ITPR2: variants seen among roughly 807,000 people sequenced by gnomAD.
ITPR2 encodes the protein inositol 1,4,5-trisphosphate-gated calcium channel ITPR2.
ITPR2 carries 207 observed loss-of-function variants against 317.1 expected under a neutral mutation model. The observed-to-expected ratio is 0.65, with a 90% CI of 0.58 to 0.73. ITPR2 has a LOEUF of 0.73. ITPR2 is among the 30% of genes least tolerant of loss of function. The pLI, the probability that ITPR2 is intolerant of heterozygous loss-of-function variation, is 0.00. For synonymous variants in ITPR2, 1,156 were observed against 1,149.1 expected (o/e 1.01, Z -0.12); for missense variants, 2,613 against 3,284.0 (o/e 0.80, Z 4.99).
Position 26,523,817 on chromosome 12 carries a change from C to T in ITPR2, c.5073+26430G>A, listed in dbSNP as rs569519580. ...CGTTCAAAGCAATCTAATTGAATTT[C>T]AGGGCCAAGAGCATTGCACAACACG... On this transcript the variant is annotated intron_variant, in intron 37 of 56. Coordinates refer to ENST00000381340, the MANE Select transcript of ITPR2 (RefSeq NM_002223.4). Among the ~76,000 whole-genome samples, 46 of 152,312 alleles carry T rather than the reference C, an allele frequency of 3.0e-4. No individual in the cohort carries two copies. In the South Asian group the frequency reaches 9.3e-3, roughly 31 times the overall value.
At chr12:26,683,801 C>T (rs1486376560) in intron 11 of ITPR2, among the ~76,000 whole-genome samples, 5 of 152,158 alleles carry the variant, frequency 3.3e-5, no homozygotes, top group East Asian at 1.9e-4. Context: ...CAAGTATTAC[C>T]GTTTTTAGTA....
Position 26,774,010 on chromosome 12 carries a change from T to TTTTTTC in ITPR2, c.163+16146_163+16147insGAAAAA, listed in dbSNP as rs150425593. On this transcript the variant is annotated intron_variant, in intron 2 of 56. Coordinates refer to ENST00000381340, the MANE Select transcript of ITPR2 (RefSeq NM_002223.4). The stretch of plus-strand genomic sequence containing the variant: ...TTTTTTTTTTTTTTTTTTTTTTTTT[T>TTTTTTC]AGTATAAAGCATGTAACTCCTGACT... Among the ~76,000 whole-genome samples, 5 of 112,046 alleles carry TTTTTTC rather than the reference T, an allele frequency of 4.5e-5. 1 individual carries two copies. The highest frequency in any genetic ancestry group is 7.5e-5 in the Non-Finnish European group (4 of 52,996). The allele number at this position is 112,046 out of a possible 152,430, so 73.5% of individuals were successfully genotyped here.
At chr12:26,487,587 C>A (rs142627480) in intron 39 of ITPR2, among the ~76,000 whole-genome samples, 1 of 152,210 alleles carries the variant, frequency 6.6e-6, no homozygotes, top group African/African-American at 2.4e-5. Flanking sequence ...TAAAGTCATG[C>A]ATTGATTCAA....
chr12:26,616,232 G>GCAA (rs1946371269), intron 26 of ITPR2, among the ~76,000 whole-genome samples: 2 of 151,980 alleles, frequency 1.3e-5, no homozygotes, highest in African/African-American at 2.4e-5. Flanking sequence ...CCGCCTCCCG[G>GCAA]GTTCACGCCA....
intron 9 of ITPR2, among the ~76,000 whole-genome samples, chr12:26,708,572 G>A (rs61922699): frequency 0.16 from 24,517 of 152,084 alleles, 2,746 homozygotes; most frequent in Non-Finnish European, 0.25. Flanking sequence ...ATGAAGCTAG[G>A]GAGTAGAAGG....
intron 55 of ITPR2, among the ~76,000 whole-genome samples, chr12:26,366,363 A>G (rs1939010144): frequency 6.6e-6 from 1 of 152,162 alleles, no homozygotes; most frequent in South Asian, 2.1e-4. Context: ...TGATATTTTG[A>G]TGTGTATAGT....
At chr12:26,495,341 G>T in intron 37 of ITPR2, 81 bp from the exon 38 acceptor site, 2 of 741,734 alleles carry the variant, frequency 2.7e-6, no homozygotes, top group Non-Finnish European at 4.4e-6. Flanking sequence ...TGCTTTAAAT[G>T]CATTTTGTGA....
chr12:26,629,585 CA>C (rs5797182), intron 22 of ITPR2, among the ~76,000 whole-genome samples: 18,010 of 144,048 alleles, frequency 0.13, 1,740 homozygotes, highest in East Asian at 0.51. Flanking sequence ...GACCCTGTCT[CA>C]AAAAAAAAAA....
At chr12:26,735,104 G>A (rs767388952) in intron 2 of ITPR2, among the ~76,000 whole-genome samples, 2 of 146,032 alleles carry the variant, frequency 1.4e-5, no homozygotes, top group Non-Finnish European at 3.0e-5. Flanking sequence ...GGGTTCAAAC[G>A]ATTCTCCTGT....
intron 2 of ITPR2, among the ~76,000 whole-genome samples, chr12:26,738,800 ATT>A (rs1341893574): frequency 6.6e-6 from 1 of 152,126 alleles, no homozygotes; most frequent in African/African-American, 2.4e-5. Context: ...TTATAAAATT[ATT>A]CTTTAAAAAT....
intron 9 of ITPR2, among the ~76,000 whole-genome samples, chr12:26,696,030 T>C (rs955074329): frequency 6.6e-6 from 1 of 152,082 alleles, no homozygotes; most frequent in Non-Finnish European, 1.5e-5. Flanking sequence ...ACATTGATGA[T>C]TTGAGATCAT....
intron 1 of ITPR2, among the ~76,000 whole-genome samples, chr12:26,820,297 C>CA (rs1470490044): frequency 6.6e-6 from 1 of 151,964 alleles, no homozygotes; most frequent in African/African-American, 2.4e-5. Context: ...GACTTTTTTC[C>CA]AGAGAGGAAC....
intron 34 of ITPR2, among the ~76,000 whole-genome samples, chr12:26,568,327 A>G (rs1945067904): frequency 6.6e-6 from 1 of 151,748 alleles, no homozygotes; most frequent in South Asian, 2.1e-4. Flanking sequence ...AATAAGAGAG[A>G]GGATGGGTTG....
In ITPR2 at chr12:26,422,432, G is replaced by A. The variant is rs183629042; in HGVS notation, c.6946-3219C>T. Among the ~76,000 whole-genome samples the A allele has an allele frequency of 4.9e-3, 741 of 152,190 alleles. 22 individuals are homozygous for A. Among genetic ancestry groups the A allele is most frequent in the Admixed American group, 0.046 (708 of 15,268 alleles). ...ATCTGTCTTTGCAGGACATTTAACA[G>A]TACAGTGTAGCAGAAAGACACTGAA... On this transcript the variant is annotated intron_variant, in intron 49 of 56. Coordinates refer to ENST00000381340, the MANE Select transcript of ITPR2 (RefSeq NM_002223.4).
intron 13 of ITPR2, among the ~76,000 whole-genome samples, chr12:26,676,648 G>T: frequency 6.6e-6 from 1 of 151,560 alleles, no homozygotes; most frequent in East Asian, 1.9e-4. Context: ...GGAGGAAGAC[G>T]TAAAGAAAGG....
intron 20 of ITPR2, among the ~76,000 whole-genome samples, chr12:26,654,749 G>A (rs974741031): frequency 6.6e-6 from 1 of 152,146 alleles, no homozygotes; most frequent in Non-Finnish European, 1.5e-5. Flanking sequence ...ACCATGTCAT[G>A]AGGACACCCA....
rs538718337 is a variant in ITPR2 at position 26,811,386 on chromosome 12, G to A, written c.93-21159C>T. On this transcript the variant is annotated intron_variant, in intron 1 of 56. Transcript: ENST00000381340. ...AGCACTTTGGGAGGCTGAGGCAGGC[G>A]GATCACGAGGTCAGGAGATCGAGAC... Among the ~76,000 whole-genome samples the A allele has an allele frequency of 2.5e-3, 376 of 151,782 alleles. 3 individuals carry two copies. Among genetic ancestry groups the A allele is most frequent in the African/African-American group, 8.8e-3 (364 of 41,458 alleles).
At position 26,595,605 on chromosome 12, in the gene ITPR2, A is replaced by G; in HGVS notation, c.4255-15T>C. On this transcript the variant is annotated splice_polypyrimidine_tract_variant and intron_variant, in intron 31 of 56. Transcript: ENST00000381340. ...GCAATTTTAACCTGTGCAAGTTTCA[A>G]ATACAAAAGAAAGTTAGTTTTCTTT... 1 of 1,530,988 alleles carries G rather than the reference A, an allele frequency of 6.5e-7. No homozygotes were observed. Among genetic ancestry groups the G allele is most frequent in the Non-Finnish European group, 8.7e-7 (1 of 1,146,850 alleles). 94.8% of individuals were successfully genotyped at this position (1,530,988 alleles called of 1,614,324 possible). A position where few individuals can be genotyped will look rare whatever the true frequency, so the allele number is the denominator to read the frequency against.
At chr12:26,568,965 G>T (rs1265089501) in intron 34 of ITPR2, among the ~76,000 whole-genome samples, 1 of 152,074 alleles carries the variant, frequency 6.6e-6, no homozygotes, top group Non-Finnish European at 1.5e-5. Context: ...AATTTTTATG[G>T]GTTATTGAAG....
Sources: gnomAD v4.1 joint callset for allele counts (sites outside exome capture counted in the v4.1 genomes callset) on GRCh38, gnomAD v4.1.1 for gene constraint, MANE v1.5 for transcripts, NCBI Gene and HGNC (gene_info 2026-07-23, HGNC 2026-07-21) for gene names.